TRPV4: variants seen among roughly 807,000 people sequenced by gnomAD.
The protein encoded by TRPV4 is OSM9-like transient receptor potential channel 4.
A neutral mutation model predicts 84.1 loss-of-function variants in TRPV4; 58 were observed. The observed-to-expected ratio is 0.69, with a 90% CI of 0.56 to 0.86. The LOEUF is 0.86. Among genes scored for constraint, TRPV4 ranks in the 40% least tolerant of loss-of-function variants. The probability of loss-of-function intolerance (pLI) is 0.00; values close to 1 mark genes in which losing one functional copy is unlikely to be tolerated. For missense variants in TRPV4, 879 were observed against 1,181.1 expected (o/e 0.74, Z 3.75); for synonymous variants, 489 against 500.9 (o/e 0.98, Z 0.32).
At chr12:109,787,926 C>A (rs1486087859) in intron 13 of TRPV4, among the ~76,000 whole-genome samples, 1 of 152,184 alleles carries the variant, frequency 6.6e-6, no homozygotes, top group Non-Finnish European at 1.5e-5. Flanking sequence ...GCTCCCCGGG[C>A]CAAGGCGGCC....
intron 5 of TRPV4, among the ~76,000 whole-genome samples, chr12:109,800,389 A>G (rs1890695286): frequency 7.3e-6 from 1 of 137,064 alleles, no homozygotes; most frequent in Non-Finnish European, 1.5e-5. Flanking sequence ...TGGAGTGAGG[A>G]TCTGAATCCA....
intron 1 of TRPV4, among the ~76,000 whole-genome samples, chr12:109,829,520 C>T (rs555222804): frequency 2.0e-5 from 3 of 152,372 alleles, no homozygotes; most frequent in African/African-American, 7.2e-5. Context: ...CCAATACCTT[C>T]CACCCACCCA....
rs766648571 is a variant in TRPV4, at chr12:109,798,944, C to T, written c.854-32G>A. ...GCCAGGGTGAAGGGTGGGAGGTCAG[C>T]GAAGGGGGCCCAGGGTGGGACTCTG... On this transcript the variant is annotated intron_variant, in intron 5 of 15. Transcript: ENST00000261740. This position sits in a 1 kb window ranked among gnomAD's most constrained non-coding sequence, Gnocchi z 5.0. 6 of 1,590,846 alleles carry T rather than the reference C, an allele frequency of 3.8e-6. No individual in the cohort carries two copies. The highest frequency in any genetic ancestry group is 1.3e-5 in the African/African-American group (1 of 74,592).
intron 1 of TRPV4, among the ~76,000 whole-genome samples, chr12:109,827,702 A>G (rs551773256): frequency 3.3e-5 from 5 of 152,230 alleles, no homozygotes; most frequent in Non-Finnish European, 5.9e-5. Context: ...ACATACACAC[A>G]TACACATGTA....
At position 109,783,480 on chromosome 12, in the gene TRPV4, C is replaced by T. The variant is rs1381549628; in HGVS notation, c.*141G>A. ...AGGCAGAGCCAGGGGACCACAGGGT[C>T]CTGGGGCCTCCCTGGCACCTCCACT... On this transcript the variant is annotated 3_prime_UTR_variant, in exon 16 of 16. Coordinates refer to ENST00000261740, the MANE Select transcript of TRPV4 (RefSeq NM_021625.5). This position sits in a 1 kb window ranked among gnomAD's most constrained non-coding sequence, Gnocchi z 4.6. 8.4e-7 allele frequency: 1 copy of T among 1,193,714 alleles called. No homozygotes were observed. The highest frequency in any genetic ancestry group is 1.1e-6 in the Non-Finnish European group (1 of 870,052). The allele number at this position is 1,193,714 out of a possible 1,614,324, so 73.9% of individuals were successfully genotyped here.
At chr12:109,818,905 A>G (rs190642763) in intron 1 of TRPV4, among the ~76,000 whole-genome samples, 3 of 152,220 alleles carry the variant, frequency 2.0e-5, no homozygotes, top group Non-Finnish European at 4.4e-5. Flanking sequence ...AACCTGAACA[A>G]AGCTAGGCTA....
At chr12:109,808,986 CCCAT>C (rs749254674) in intron 2 of TRPV4, among the ~76,000 whole-genome samples, 9 of 148,884 alleles carry the variant, frequency 6.0e-5, no homozygotes, top group African/African-American at 2.2e-4. Context: ...CATCCACTCA[CCCAT>C]CCATCCATCC....
intron 2 of TRPV4, among the ~76,000 whole-genome samples, chr12:109,813,093 T>C (rs1033537528): frequency 3.9e-5 from 6 of 151,996 alleles, no homozygotes; most frequent in African/African-American, 1.2e-4. Context: ...GGGGGACAGA[T>C]GAGTACGTGG....
At position 109,814,267 on chromosome 12, in the gene TRPV4, G is replaced by A. The variant is rs1464271640; in HGVS notation, c.386+144C>T. 2 of 938,824 alleles carry A rather than the reference G, an allele frequency of 2.1e-6. No homozygotes were observed. The highest frequency in any genetic ancestry group is 2.0e-5 in the Admixed American group (1 of 50,124). The allele number at this position is 938,824 out of a possible 1,614,324, so 58.2% of individuals were successfully genotyped here. On this transcript the variant is annotated intron_variant, in intron 2 of 15. Transcript: ENST00000261740. The surrounding 1 kb of genome is among the most constrained non-coding windows in gnomAD (Gnocchi z 5.4). ...TGGATAGGGAGATGAATAGATGGATGGATAGATGTATGGATGGTTGGATGG... is the reference window on the plus strand; with the variant it reads ...TGGATAGGGAGATGAATAGATGGATAGATAGATGTATGGATGGTTGGATGG...
chr12:109,820,046 G>A (rs1490299014), intron 1 of TRPV4, among the ~76,000 whole-genome samples: 1 of 152,204 alleles, frequency 6.6e-6, no homozygotes, highest in Non-Finnish European at 1.5e-5. Flanking sequence ...GTAGAAGCCA[G>A]CTACCTATTT....
chr12:109,827,887 GACAC>G (rs1490953429), intron 1 of TRPV4, among the ~76,000 whole-genome samples: 1 of 150,548 alleles, frequency 6.6e-6, no homozygotes, highest in Non-Finnish European at 1.5e-5. Context: ...TACACACACA[GACAC>G]ACATACGCAC....
rs1186445597 is a variant in TRPV4 at position 109,820,514 on chromosome 12, C to CTTTTTTTTTTTTTTTTTTTTT, written c.-31-5688_-31-5687insAAAAAAAAAAAAAAAAAAAAA. On this transcript the variant is annotated intron_variant, in intron 1 of 15. Coordinates refer to ENST00000261740, the MANE Select transcript of TRPV4 (RefSeq NM_021625.5). ...CTGATCTTCACTTTCTTCAGCTGCC[C>CTTTTTTTTTTTTTTTTTTTTT]TATTTTTTTTTTTTTTTTTTTTTTT... Among the ~76,000 whole-genome samples the CTTTTTTTTTTTTTTTTTTTTT allele has an allele frequency of 1.7e-4, 21 of 123,150 alleles. 4 individuals carry two copies. Among genetic ancestry groups the CTTTTTTTTTTTTTTTTTTTTT allele is most frequent in the African/African-American group, 4.0e-4 (13 of 32,608 alleles). 80.8% of individuals were successfully genotyped at this position (123,150 alleles called of 152,430 possible).
chr12:109,794,585 C>G (rs1890272563), intron 7 of TRPV4, 98 bp from the exon 8 acceptor site: 16 of 1,294,968 alleles, frequency 1.2e-5, no homozygotes, highest in Non-Finnish European at 1.4e-5. Context: ...TCCACCCGGA[C>G]AGCGCTTTCT....
rs1424106088 is a variant in TRPV4, at chr12:109,798,648, G to C, written c.1118C>G (p.Pro373Arg). 6.2e-7 allele frequency: 1 copy of C among 1,612,734 alleles called. No homozygotes were observed. The highest frequency in any genetic ancestry group is 1.3e-5 in the African/African-American group (1 of 74,930). ...EAVLNNDGLS[P>R]LMMAAKTGKI... ...GCCCGTCTTGGCAGCCATCATGAGG[G>C]GCGAGAGGCCGTCGTTGTTGAGCAC... The change falls in exon 6 of 16, where the codon CCC (proline) becomes CGC (arginine). Residue 373 changes from proline to arginine, a missense_variant. By Grantham distance (103) the Pro-to-Arg change is moderately radical. Transcript: ENST00000261740. This position sits in a 1 kb window ranked among gnomAD's most constrained non-coding sequence, Gnocchi z 5.0.
rs377712684 is a variant in TRPV4, at chr12:109,796,642, C to T, written c.1215G>A (p.Lys405=). The T allele has an allele frequency of 1.2e-5, 19 of 1,614,222 alleles. No individual in the cohort carries two copies. The highest frequency in any genetic ancestry group is 1.6e-5 in the Non-Finnish European group (19 of 1,180,050). The change falls in exon 7 of 16, where the codon AAG becomes AAA. Residue 405 remains lysine (K), a synonymous_variant. Coordinates refer to ENST00000261740, the MANE Select transcript of TRPV4 (RefSeq NM_021625.5). This position sits in a 1 kb window ranked among gnomAD's most constrained non-coding sequence, Gnocchi z 4.2. ...CTGGCCCATAGGCCCAGTCCTTGAA[C>T]TTGCGGGACAGGTGCCGTGTGTCCT... ...TDEDTRHLSR[K]FKDWAYGPVY...
At chr12:109,829,656 C>T (rs1892359061) in intron 1 of TRPV4, among the ~76,000 whole-genome samples, 1 of 152,232 alleles carries the variant, frequency 6.6e-6, no homozygotes, top group East Asian at 1.9e-4. Context: ...TTCAGAGCCC[C>T]ATCCACGTGC....
At chr12:109,803,199 C>A in intron 3 of TRPV4, 56 bp from the exon 4 acceptor site, 1 of 1,603,868 alleles carries the variant, frequency 6.2e-7, no homozygotes, top group African/African-American at 1.3e-5. Context: ...CCTTGAACTT[C>A]CAGGCATCGG....
intron 5 of TRPV4, 89 bp downstream of exon 5, chr12:109,800,529 G>A: frequency 6.5e-7 from 1 of 1,528,850 alleles, no homozygotes; most frequent in Non-Finnish European, 9.0e-7. Context: ...TCTGGGTGAT[G>A]GTCAGGGCTG....
rs532859998 is a variant in TRPV4, at chr12:109,815,992, G to T, written c.-31-1165C>A. On this transcript the variant is annotated intron_variant, in intron 1 of 15. Transcript: ENST00000261740. The surrounding 1 kb of genome is among the most constrained non-coding windows in gnomAD (Gnocchi z 4.1). ...TGTAGCATGGTGCCAGCCAGGCAGG[G>T]CTGGGCACCAAGGGTGAGTTTCCTG... is the stretch of plus-strand genomic sequence containing the variant. Among the ~76,000 whole-genome samples the T allele has an allele frequency of 6.6e-6, 1 of 152,344 alleles. No individual in the cohort carries two copies. Among genetic ancestry groups the T allele is most frequent in the South Asian group, 2.1e-4 (1 of 4,828 alleles).
Sources: allele counts gnomAD v4.1 joint callset (sites outside exome capture counted in the v4.1 genomes callset), GRCh38; gene constraint gnomAD v4.1.1; non-coding constraint Gnocchi (gnomAD v3.1); transcripts MANE v1.5; gene names NCBI Gene and HGNC (gene_info 2026-07-23, HGNC 2026-07-21).